Variants in E2F2 observed in about 807,000 individuals in gnomAD.
E2F2 encodes transcription factor E2F2.
Under a neutral mutation model 42.2 loss-of-function variants are expected in E2F2, and 22 were observed. The observed-to-expected ratio is 0.52, with a 90% CI of 0.37 to 0.74. The LOEUF (loss-of-function observed/expected upper bound fraction) is 0.74, where lower values mean the gene tolerates loss of function less well. Ranked by LOEUF, E2F2 falls within the 30% of genes least tolerant of loss-of-function variation. E2F2 has a pLI of 0.00. For synonymous variants in E2F2, 248 were observed against 251.6 expected (o/e 0.99, Z 0.13); for missense variants, 481 against 557.8 (o/e 0.86, Z 1.39).
chr1:23,521,091 C>T lies in E2F2; in HGVS notation c.579-20G>A, dbSNP rs137863297. The T allele has an allele frequency of 8.1e-3, 12,857 of 1,595,876 alleles. 104 individuals carry two copies. The highest frequency in any genetic ancestry group is 0.018 in the Middle Eastern group (100 of 5,534). ...CTGCCTCTGGGAACAGAGCAGCCCCCCAGTGTCAGTCTGTGGGTGAAACTC... is the reference window on the plus strand; with the variant it reads ...CTGCCTCTGGGAACAGAGCAGCCCCTCAGTGTCAGTCTGTGGGTGAAACTC... On this transcript the variant is annotated intron_variant, in intron 3 of 6. Coordinates refer to ENST00000361729, the MANE Select transcript of E2F2 (RefSeq NM_004091.4).
At chr1:23,519,161 T>TCGG in intron 4 of E2F2, 31 bp from the exon 5 acceptor site, 1 of 1,586,496 alleles carries the variant, frequency 6.3e-7, no homozygotes, top group Non-Finnish European at 8.6e-7. Context: ...AAAGTGACTG[T>TCGG]CTGGTCAAAA....
chr1:23,505,536 G>A (rs569644032), downstream of E2F2, among the ~76,000 whole-genome samples: 29 of 151,704 alleles, frequency 1.9e-4, no homozygotes, highest in East Asian at 1.6e-3. Flanking sequence ...TTTTTGAGAC[G>A]GAGTCTCGCT....
At chr1:23,527,192 C>G (rs948614125) in intron 1 of E2F2, among the ~76,000 whole-genome samples, 2 of 152,232 alleles carry the variant, frequency 1.3e-5, no homozygotes, top group African/African-American at 4.8e-5. Context: ...TTGTCTCCAC[C>G]TATGCTGAGG....
intron 2 of E2F2, among the ~76,000 whole-genome samples, chr1:23,522,527 C>T (rs1268772004): frequency 6.8e-6 from 1 of 146,626 alleles, no homozygotes; most frequent in Admixed American, 6.9e-5. Flanking sequence ...GAATTCAAAT[C>T]CAGGCAGTCT....
At chr1:23,520,882 C>T (rs372611966) in intron 4 of E2F2, 31 bp downstream of exon 4, 358 of 1,527,412 alleles carry the variant, frequency 2.3e-4, no homozygotes, top group Middle Eastern at 1.6e-3. Flanking sequence ...GTTCCTGCTC[C>T]CTGACACCTT....
intron 6 of E2F2, among the ~76,000 whole-genome samples, chr1:23,514,267 C>T (rs1359626991): frequency 6.6e-6 from 1 of 152,128 alleles, no homozygotes; most frequent in Non-Finnish European, 1.5e-5. Context: ...GGAGGCACAG[C>T]AGGAGGAGGA....
chr1:23,514,943 A>G (rs896909794), intron 6 of E2F2, among the ~76,000 whole-genome samples: 5 of 152,134 alleles, frequency 3.3e-5, no homozygotes, highest in Admixed American at 1.3e-4. Context: ...CTCTTTAAAA[A>G]TGTAAAACCA....
intron 1 of E2F2, among the ~76,000 whole-genome samples, chr1:23,525,197 C>CG (rs1491523601): frequency 2.9e-4 from 41 of 142,150 alleles, no homozygotes; most frequent in Admixed American, 1.4e-3. Context: ...CACCCCCCCC[C>CG]TCCAGCTCCC....
Position 23,509,913 on chromosome 1 carries a change from G to C in E2F2, c.1281C>G (p.Asp427Glu). The C allele has an allele frequency of 1.3e-5, 20 of 1,588,534 alleles. No individual in the cohort carries two copies. Among genetic ancestry groups the C allele is most frequent in the Non-Finnish European group, 1.7e-5 (20 of 1,165,784 alleles). The change falls in exon 7 of 7, where the codon GAC becomes GAG. Residue 427 changes from aspartate (D) to glutamate (E), a missense_variant. Asp to Glu is a conservative substitution (Grantham distance 45). Transcript: ENST00000361729. The part of the protein sequence containing the change: ...EAGEGISDLF[D>E]SYDLGDLLIN ...TCAACAGGTCCCCAAGGTCGTAGGA[G>C]TCGAAGAGATCGCTGATGCCCTCAC...
At chr1:23,527,281 G>A (rs1643266796) in intron 1 of E2F2, among the ~76,000 whole-genome samples, 1 of 152,244 alleles carries the variant, frequency 6.6e-6, no homozygotes, top group Non-Finnish European at 1.5e-5. Flanking sequence ...TGATGTATGG[G>A]GAGCACCAGT....
intron 4 of E2F2, among the ~76,000 whole-genome samples, chr1:23,520,498 C>T (rs992290831): frequency 5.9e-5 from 9 of 152,004 alleles, no homozygotes; most frequent in Middle Eastern, 3.4e-3. Flanking sequence ...AATCTCAGCA[C>T]TTTGGGAGAC....
chr1:23,525,809 G>T (rs1643240610), intron 1 of E2F2, among the ~76,000 whole-genome samples: 1 of 152,042 alleles, frequency 6.6e-6, no homozygotes. Context: ...CCTTCTGGGG[G>T]TCATCGAGCC....
At chr1:23,521,400 T>C (rs947236245) in intron 3 of E2F2, among the ~76,000 whole-genome samples, 12 of 152,160 alleles carry the variant, frequency 7.9e-5, no homozygotes, top group African/African-American at 2.9e-4. Context: ...AGGTCAGCTC[T>C]TTAAACCCTG....
Position 23,530,796 on chromosome 1 carries a change from C to A in E2F2, c.-3G>T, listed in dbSNP as rs1465543085. On this transcript the variant is annotated 5_prime_UTR_variant, in exon 1 of 7. Coordinates refer to ENST00000361729, the MANE Select transcript of E2F2 (RefSeq NM_004091.4). The surrounding 1 kb of genome is among the most constrained non-coding windows in gnomAD (Gnocchi z 4.4). ...AAGGCCCGGGGCCCTTGCAGCATAG[C>A]GAGTAAGGCGCCCCCTACCCAAAAG... The A allele has an allele frequency of 3.3e-6, 5 of 1,510,246 alleles. No individual in the cohort carries two copies. In the African/African-American group the frequency reaches 6.9e-5, roughly 21 times the overall value. 93.6% of individuals were successfully genotyped at this position (1,510,246 alleles called of 1,614,324 possible). A position where few individuals can be genotyped will look rare whatever the true frequency, so the allele number is the denominator to read the frequency against.
intron 6 of E2F2, among the ~76,000 whole-genome samples, chr1:23,514,469 T>C (rs1488286571): frequency 6.6e-6 from 1 of 152,094 alleles, no homozygotes; most frequent in African/African-American, 2.4e-5. Context: ...TGTGTGACCT[T>C]AGGGAAGCCA....
chr1:23,507,055 CT>C lies in E2F2; in HGVS notation c.*2824del, dbSNP rs1004048268. 3.3e-5 allele frequency: 5 copies of C among 152,232 alleles called. No individual in the cohort carries two copies. Among genetic ancestry groups the C allele is most frequent in the African/African-American group, 9.6e-5 (4 of 41,454 alleles). 9.4% of individuals were successfully genotyped at this position (152,232 alleles called of 1,614,324 possible). ...AGAAATCTCTGAATCTCCAACTCTA[CT>C]GGATGATTTCCTGGAGCCCCAAGCT... On this transcript the variant is annotated 3_prime_UTR_variant, in exon 7 of 7. Transcript: ENST00000361729.
At chr1:23,510,280 T>C (rs1173800085) in intron 6 of E2F2, 132 bp from the exon 7 acceptor site, 4 of 1,397,212 alleles carry the variant, frequency 2.9e-6, no homozygotes, top group Non-Finnish European at 3.7e-6. Context: ...TGTCGTGCTC[T>C]CAAAATCCAC....
chr1:23,512,720 AAT>A (rs1379109104), intron 6 of E2F2, among the ~76,000 whole-genome samples: 3 of 152,240 alleles, frequency 2.0e-5, no homozygotes, highest in South Asian at 2.1e-4. Flanking sequence ...CGCCTTTTGT[AAT>A]ATGTGTCTCT....
intron 5 of E2F2, among the ~76,000 whole-genome samples, chr1:23,517,515 G>T (rs1042650408): frequency 6.6e-6 from 1 of 152,192 alleles, no homozygotes; most frequent in African/African-American, 2.4e-5. Flanking sequence ...TCCTCCAAGG[G>T]TGGGGGCAGG....
Sources: allele counts gnomAD v4.1 joint callset (sites outside exome capture counted in the v4.1 genomes callset), GRCh38; gene constraint gnomAD v4.1.1; non-coding constraint Gnocchi (gnomAD v3.1); transcripts MANE v1.5; gene names NCBI Gene and HGNC (gene_info 2026-07-23, HGNC 2026-07-21).